The following TBX4 variants were observed in gnomAD, a reference collection of about 807,000 sequenced individuals.
TBX4 encodes the protein T-box transcription factor TBX4.
In TBX4, 13 loss-of-function variants were observed where a neutral mutation model predicts 54.6. The ratio of observed to expected loss-of-function variants is 0.24; its 90% CI spans 0.15 to 0.38. The LOEUF (loss-of-function observed/expected upper bound fraction) is 0.38, where lower values mean the gene tolerates loss of function less well. TBX4 is among the 10% of genes least tolerant of loss of function. TBX4 has a pLI of 1.00. For missense variants in TBX4, 631 were observed against 728.5 expected (o/e 0.87, Z 1.54); for synonymous variants, 314 against 306.7 (o/e 1.02, Z -0.25).
Position 61,456,551 on chromosome 17 carries a change from C to A in TBX4, c.61C>A (p.Leu21Ile). 6.4e-7 allele frequency: 1 copy of A among 1,552,638 alleles called. No individual in the cohort carries two copies. The highest frequency in any genetic ancestry group is 8.7e-7 in the Non-Finnish European group (1 of 1,148,602). ...EEAFRAPGPA[L>I]GEASAANAPE... The stretch of plus-strand genomic sequence containing the variant: ...GGCCTTCCGGGCCCCGGGCCCAGCG[C>A]TCGGAGAGGCCAGCGCAGCCAACGC... Residue 21 changes from leucine (L) to isoleucine (I), a missense_variant, in exon 2 of 9, where the codon CTC (leucine) becomes ATC (isoleucine). Coordinates refer to ENST00000644296, the MANE Select transcript of TBX4 (RefSeq NM_001321120.2).
chr17:61,459,849 C>T lies in TBX4; in HGVS notation c.281+2218C>T, dbSNP rs950357179. Among the ~76,000 whole-genome samples the T allele has an allele frequency of 2.1e-4, 32 of 151,982 alleles. 1 individual carries two copies. Among genetic ancestry groups the T allele is most frequent in the African/African-American group, 7.3e-4 (30 of 41,350 alleles). On this transcript the variant is annotated intron_variant, in intron 3 of 8. Coordinates refer to ENST00000644296, the MANE Select transcript of TBX4 (RefSeq NM_001321120.2). The surrounding 1 kb of genome is among the most constrained non-coding windows in gnomAD (Gnocchi z 4.8). ...AAATCACTAGTCTCATGCCCCCAACCCCTCACCCCTCACAGACCCCATTTC... is the reference window on the plus strand; with the variant it reads ...AAATCACTAGTCTCATGCCCCCAACTCCTCACCCCTCACAGACCCCATTTC...
chr17:61,457,130 G>T lies in TBX4; in HGVS notation c.187-407G>T, dbSNP rs567804999. Among the ~76,000 whole-genome samples, 142 of 152,308 alleles carry T rather than the reference G, an allele frequency of 9.3e-4. No individual in the cohort carries two copies. The highest frequency in any genetic ancestry group is 3.2e-3 in the African/African-American group (134 of 41,584). Reference sequence around the variant, plus strand: ...ACAGTGATAATCGGACGATCACAGCGCACGGGATGCCGCCTGGGGATCTGT... The same window carrying T: ...ACAGTGATAATCGGACGATCACAGCTCACGGGATGCCGCCTGGGGATCTGT... On this transcript the variant is annotated intron_variant, in intron 2 of 8. Transcript: ENST00000644296. The surrounding 1 kb of genome is among the most constrained non-coding windows in gnomAD (Gnocchi z 8.2).
At position 61,474,561 on chromosome 17, in the gene TBX4, G is replaced by A. The variant is rs1159582504; in HGVS notation, c.550-4066G>A. Among the ~76,000 whole-genome samples the A allele has an allele frequency of 1.3e-5, 2 of 152,244 alleles. No individual in the cohort carries two copies. Among genetic ancestry groups the A allele is most frequent in the African/African-American group, 4.8e-5 (2 of 41,458 alleles). ...GGCTTTATTGGCCAAGCACGCTATG[G>A]CGATCTCTTGAGGAGAGGGATGTTT... On this transcript the variant is annotated intron_variant, in intron 5 of 8. Coordinates refer to ENST00000644296, the MANE Select transcript of TBX4 (RefSeq NM_001321120.2). This position sits in a 1 kb window ranked among gnomAD's most constrained non-coding sequence, Gnocchi z 4.6.
At chr17:61,469,700 T>C (rs933191109) in intron 5 of TBX4, among the ~76,000 whole-genome samples, 3 of 152,162 alleles carry the variant, frequency 2.0e-5, no homozygotes, top group African/African-American at 7.2e-5. Flanking sequence ...TAGAGAACCC[T>C]TGAAGAGGGA....
At chr17:61,454,270 T>C (rs555993440) in intron 1 of TBX4, among the ~76,000 whole-genome samples, 9 of 152,370 alleles carry the variant, frequency 5.9e-5, no homozygotes, top group African/African-American at 1.9e-4. Context: ...ACAGTTCCCC[T>C]AGTGCAAGAA....
At chr17:61,454,751 G>T (rs1183853748) in intron 1 of TBX4, among the ~76,000 whole-genome samples, 1 of 152,194 alleles carries the variant, frequency 6.6e-6, no homozygotes, top group African/African-American at 2.4e-5. Context: ...GACTGAGAGC[G>T]CAGGGCGCGA....
At position 61,478,947 on chromosome 17, in the gene TBX4, T is replaced by C. The variant is rs1048013306; in HGVS notation, c.702+168T>C. On this transcript the variant is annotated intron_variant, in intron 6 of 8. Transcript: ENST00000644296. The surrounding 1 kb of genome is among the most constrained non-coding windows in gnomAD (Gnocchi z 7.4). ...CCCTCGGAGCCGCGAGCAAATCGAA[T>C]GATGAACAGAAAAGGACCCTAGATA... is the stretch of plus-strand genomic sequence containing the variant. 1.3e-5 allele frequency among the ~76,000 whole-genome samples: 2 copies of C among 152,154 alleles called. No individual in the cohort carries two copies.
intron 4 of TBX4, 54 bp from the exon 5 acceptor site, chr17:61,467,456 C>A (rs1391386889): frequency 6.2e-7 from 1 of 1,612,144 alleles, no homozygotes; most frequent in Admixed American, 1.7e-5. Context: ...GACGGGGAAT[C>A]TGGCCTCACC....
At chr17:61,467,440 A>G in intron 4 of TBX4, 70 bp from the exon 5 acceptor site, 1 of 1,602,204 alleles carries the variant, frequency 6.2e-7, no homozygotes, top group South Asian at 1.1e-5. Context: ...GTTTGCTCCA[A>G]GAGGGGACGG....
At chr17:61,458,293 C>T (rs2060469420) in intron 3 of TBX4, among the ~76,000 whole-genome samples, 1 of 81,278 alleles carries the variant, frequency 1.2e-5, no homozygotes, top group Non-Finnish European at 2.3e-5. Context: ...GGAAGACTCA[C>T]GGCGGGGGTG....
chr17:61,483,969 G>A lies in TBX4; in HGVS notation c.*453G>A. The A allele has an allele frequency of 5.4e-6, 1 of 184,626 alleles. No homozygotes were observed. The highest frequency in any genetic ancestry group is 1.1e-4 in the South Asian group (1 of 8,808). The allele number at this position is 184,626 out of a possible 1,614,324, so 11.4% of individuals were successfully genotyped here. ...GTGTGAGGACTCTGTGCACACCTTA[G>A]AGTTCCTGGCCTTCTCTTTGCAAGG... is the stretch of plus-strand genomic sequence containing the variant. On this transcript the variant is annotated 3_prime_UTR_variant, in exon 9 of 9. Coordinates refer to ENST00000644296, the MANE Select transcript of TBX4 (RefSeq NM_001321120.2). This position sits in a 1 kb window ranked among gnomAD's most constrained non-coding sequence, Gnocchi z 6.6.
rs1352876787 is a variant in TBX4 at position 61,475,838 on chromosome 17, T to C, written c.550-2789T>C. Among the ~76,000 whole-genome samples the C allele has an allele frequency of 6.6e-6, 1 of 152,104 alleles. No individual in the cohort carries two copies. The highest frequency in any genetic ancestry group is 1.9e-4 in the East Asian group (1 of 5,182). On this transcript the variant is annotated intron_variant, in intron 5 of 8. Transcript: ENST00000644296. The surrounding 1 kb of genome is among the most constrained non-coding windows in gnomAD (Gnocchi z 5.0). ...CTTTGCGCTGCCACCTTTGGAGAGC[T>C]AGAGTGACTGGGGGAGGCCTTCATG...
Position 61,479,931 on chromosome 17 carries a change from C to T in TBX4, c.753C>T (p.Gly251=). Residue 251 remains glycine, a synonymous_variant, in exon 7 of 9, where the codon GGC becomes GGT. Transcript: ENST00000644296. The surrounding 1 kb of genome is among the most constrained non-coding windows in gnomAD (Gnocchi z 6.1). The part of the protein sequence containing the change: ...ENNPFAKGFR[G]SDDSDLRVAR... The stretch of plus-strand genomic sequence containing the variant: ...ACCCTTTTGCCAAGGGATTCCGGGG[C>T]AGTGATGACAGTGACCTGCGTGTGG... The T allele has an allele frequency of 6.2e-7, 1 of 1,614,124 alleles. No homozygotes were observed. The highest frequency in any genetic ancestry group is 8.5e-7 in the Non-Finnish European group (1 of 1,180,026).
chr17:61,458,440 C>T (rs561088715), intron 3 of TBX4, among the ~76,000 whole-genome samples: 31 of 152,196 alleles, frequency 2.0e-4, no homozygotes, highest in Middle Eastern at 6.8e-3. Flanking sequence ...CCCACCCACT[C>T]TATCCCCTGC....
Position 61,479,322 on chromosome 17 carries a change from C to T in TBX4, c.702+543C>T, listed in dbSNP as rs1323716703. On this transcript the variant is annotated intron_variant, in intron 6 of 8. Transcript: ENST00000644296. This position sits in a 1 kb window ranked among gnomAD's most constrained non-coding sequence, Gnocchi z 6.1. ...CCAGTCACTGACAGCCGTGCTCTGC[C>T]GCCCGTCTGCTTTCCACAGTATGCA... Among the ~76,000 whole-genome samples the T allele has an allele frequency of 1.3e-5, 2 of 152,176 alleles. No individual in the cohort carries two copies. The highest frequency in any genetic ancestry group is 3.9e-4 in the East Asian group (2 of 5,182).
intron 5 of TBX4, among the ~76,000 whole-genome samples, chr17:61,477,557 G>A (rs1022897877): frequency 1.3e-5 from 2 of 152,208 alleles, no homozygotes; most frequent in African/African-American, 4.8e-5. Context: ...GCTTCTCTGA[G>A]GGCTGGGAGC....
chr17:61,477,577 C>T (rs530643281), intron 5 of TBX4, among the ~76,000 whole-genome samples: 1 of 152,338 alleles, frequency 6.6e-6, no homozygotes, highest in Admixed American at 6.5e-5. Context: ...CGGCCTTAGG[C>T]AGGTCTGAAG....
At position 61,461,459 on chromosome 17, in the gene TBX4, C is replaced by T. The variant is rs1244527265; in HGVS notation, c.281+3828C>T. Among the ~76,000 whole-genome samples the T allele has an allele frequency of 6.6e-6, 1 of 152,138 alleles. No homozygotes were observed. The highest frequency in any genetic ancestry group is 2.4e-5 in the African/African-American group (1 of 41,414). On this transcript the variant is annotated intron_variant, in intron 3 of 8. Coordinates refer to ENST00000644296, the MANE Select transcript of TBX4 (RefSeq NM_001321120.2). The surrounding 1 kb of genome is among the most constrained non-coding windows in gnomAD (Gnocchi z 5.1). ...ACACCCAGGATTCCTCCTGAAAAGC[C>T]CCCACGGACATCAGGGTTGGAGAAA...
Position 61,484,755 on chromosome 17 carries a change from A to T in TBX4, c.*1239A>T, listed in dbSNP as rs1173952875. 1.3e-5 allele frequency: 2 copies of T among 148,244 alleles called. No homozygotes were observed. The highest frequency in any genetic ancestry group is 6.8e-5 in the Admixed American group (1 of 14,800). 9.2% of individuals were successfully genotyped at this position (148,244 alleles called of 1,614,324 possible). ...TATTTATATATTATATAAATAAATA[A>T]ATATATATATTATATATCGCTCTCT... On this transcript the variant is annotated 3_prime_UTR_variant, in exon 9 of 9. Coordinates refer to ENST00000644296, the MANE Select transcript of TBX4 (RefSeq NM_001321120.2). The surrounding 1 kb of genome is among the most constrained non-coding windows in gnomAD (Gnocchi z 4.1).
Sources: gnomAD v4.1 joint callset for allele counts (sites outside exome capture counted in the v4.1 genomes callset) on GRCh38, gnomAD v4.1.1 for gene constraint, Gnocchi (gnomAD v3.1) non-coding constraint, MANE v1.5 for transcripts, NCBI Gene and HGNC (gene_info 2026-07-23, HGNC 2026-07-21) for gene names.